The following TMEFF2 variants were observed in gnomAD, a reference collection of about 807,000 sequenced individuals.
TMEFF2 encodes transmembrane protein with EGF like and two follistatin like domains 2, also known as tomoregulin-2.
A neutral mutation model predicts 53.8 loss-of-function variants in TMEFF2; 28 were observed. The ratio of observed to expected loss-of-function variants is 0.52; its 90% CI spans 0.39 to 0.71. TMEFF2 has a LOEUF of 0.71. Among genes scored for constraint, TMEFF2 ranks in the 30% least tolerant of loss-of-function variants. The pLI is 0.00. For missense variants in TMEFF2, 353 were observed against 455.2 expected (o/e 0.78, Z 2.04); for synonymous variants, 162 against 166.3 (o/e 0.97, Z 0.20).
chr2:191,996,187 G>A lies in TMEFF2; in HGVS notation c.745+2075C>T, dbSNP rs577067936. 2.6e-4 allele frequency among the ~76,000 whole-genome samples: 39 copies of A among 152,044 alleles called. 1 individual carries two copies. The highest frequency in any genetic ancestry group is 9.4e-4 in the African/African-American group (39 of 41,548). Reference sequence around the variant, plus strand: ...CAATATGAATGACTTTGAGAGATCAGTAGAATCTCTCATGATATTTATTGG... The same window carrying A: ...CAATATGAATGACTTTGAGAGATCAATAGAATCTCTCATGATATTTATTGG... On this transcript the variant is annotated intron_variant, in intron 7 of 9. Coordinates refer to ENST00000272771, the MANE Select transcript of TMEFF2 (RefSeq NM_016192.4).
intron 5 of TMEFF2, among the ~76,000 whole-genome samples, chr2:192,019,533 A>G (rs1286308517): frequency 1.3e-5 from 2 of 152,094 alleles, no homozygotes; most frequent in African/African-American, 2.4e-5. Context: ...AGAAAAAATA[A>G]TGTTAATGTA....
In TMEFF2 at chr2:191,998,328, TA is replaced by T. The variant is rs1442312557; in HGVS notation, c.686-8del. 1.9e-6 allele frequency: 3 copies of T among 1,588,760 alleles called. No homozygotes were observed. Among genetic ancestry groups the T allele is most frequent in the African/African-American group, 1.4e-5 (1 of 73,626 alleles). On this transcript the variant is annotated splice_region_variant and splice_polypyrimidine_tract_variant and intron_variant, in intron 6 of 9. Coordinates refer to ENST00000272771, the MANE Select transcript of TMEFF2 (RefSeq NM_016192.4). Reference sequence around the variant, plus strand: ...GTAGTTGTAGTTGTGTTATCTGTGTTAAAAAATTAACAATAAAAATTGATTA... The same window carrying T: ...GTAGTTGTAGTTGTGTTATCTGTGTTAAAAATTAACAATAAAAATTGATTA...
intron 4 of TMEFF2, among the ~76,000 whole-genome samples, chr2:192,168,890 T>C (rs1420053838): frequency 1.3e-5 from 2 of 152,080 alleles, no homozygotes; most frequent in Non-Finnish European, 2.9e-5. Context: ...TTGCCCAGGC[T>C]AGAGTACGGT....
intron 4 of TMEFF2, among the ~76,000 whole-genome samples, chr2:192,147,215 T>A (rs1690273252): frequency 6.6e-6 from 1 of 152,032 alleles, no homozygotes; most frequent in Non-Finnish European, 1.5e-5. Flanking sequence ...AACTGAAGAT[T>A]AAATCACAGT....
intron 5 of TMEFF2, among the ~76,000 whole-genome samples, chr2:192,047,706 T>C (rs1323089086): frequency 6.6e-6 from 1 of 152,218 alleles, no homozygotes; most frequent in Non-Finnish European, 1.5e-5. Flanking sequence ...AATAAGCATT[T>C]AGACTTTCAG....
intron 4 of TMEFF2, among the ~76,000 whole-genome samples, chr2:192,148,292 G>A (rs79938894): frequency 6.6e-6 from 1 of 151,994 alleles, no homozygotes; most frequent in Non-Finnish European, 1.5e-5. Context: ...TGAAGAGAAA[G>A]TGTTGGATCT....
chr2:192,113,546 T>A (rs978266930), intron 4 of TMEFF2, among the ~76,000 whole-genome samples: 9 of 152,170 alleles, frequency 5.9e-5, no homozygotes, highest in Non-Finnish European at 1.0e-4. Context: ...TGCATAGAAA[T>A]AATGTGGAAT....
chr2:192,149,956 C>T lies in TMEFF2; in HGVS notation c.439+29712G>A, dbSNP rs1003828836. On this transcript the variant is annotated intron_variant, in intron 4 of 9. Coordinates refer to ENST00000272771, the MANE Select transcript of TMEFF2 (RefSeq NM_016192.4). ...TAACTTTATTAAGTGCAACTTCTAT[C>T]TAACATTAGTTTAGAAGGCCCATTA... is the stretch of plus-strand genomic sequence containing the variant. Among the ~76,000 whole-genome samples the T allele has an allele frequency of 2.6e-5, 4 of 151,912 alleles. No individual in the cohort carries two copies. In the Admixed American group the frequency reaches 2.6e-4, roughly 10 times the overall value.
At chr2:192,091,954 A>G (rs561965637) in intron 4 of TMEFF2, among the ~76,000 whole-genome samples, 1 of 152,216 alleles carries the variant, frequency 6.6e-6, no homozygotes, top group African/African-American at 2.4e-5. Context: ...TGTTAGTGTG[A>G]CTACTTCCTC....
At chr2:191,956,173 A>G in intron 8 of TMEFF2, 82 bp downstream of exon 8, 3 of 1,445,094 alleles carry the variant, frequency 2.1e-6, no homozygotes, top group Non-Finnish European at 2.8e-6. Context: ...AAGAATGTCT[A>G]CCAATTTTCT....
At chr2:191,955,265 A>G (rs944836368) in intron 8 of TMEFF2, among the ~76,000 whole-genome samples, 1 of 151,946 alleles carries the variant, frequency 6.6e-6, no homozygotes, top group Non-Finnish European at 1.5e-5. Flanking sequence ...AAATAAAAAT[A>G]AAAATAAATT....
chr2:192,129,883 G>A (rs1229743031), intron 4 of TMEFF2, among the ~76,000 whole-genome samples: 7 of 152,006 alleles, frequency 4.6e-5, no homozygotes, highest in Admixed American at 2.6e-4. Context: ...ATTTCTTACC[G>A]CAGTTTTTCT....
At chr2:192,113,185 T>C (rs528285878) in intron 4 of TMEFF2, among the ~76,000 whole-genome samples, 1 of 152,320 alleles carries the variant, frequency 6.6e-6, no homozygotes, top group Non-Finnish European at 1.5e-5. Flanking sequence ...TTTAGGCTTA[T>C]ACACTATTGA....
At chr2:191,965,991 A>G (rs997034389) in intron 7 of TMEFF2, among the ~76,000 whole-genome samples, 1 of 46,918 alleles carries the variant, frequency 2.1e-5, no homozygotes, top group Non-Finnish European at 6.6e-5. Flanking sequence ...TTGATTTAAG[A>G]AAAAAAAAAA....
At chr2:192,070,498 G>C (rs1402550185) in intron 4 of TMEFF2, among the ~76,000 whole-genome samples, 2 of 151,854 alleles carry the variant, frequency 1.3e-5, no homozygotes, top group South Asian at 4.1e-4. Context: ...TAGTTCAAAG[G>C]CTTTAAGGAT....
At chr2:192,152,736 C>A (rs1208649143) in intron 4 of TMEFF2, among the ~76,000 whole-genome samples, 1 of 151,854 alleles carries the variant, frequency 6.6e-6, no homozygotes, top group Non-Finnish European at 1.5e-5. Flanking sequence ...GGCATTATTT[C>A]AACTAACAAC....
intron 7 of TMEFF2, among the ~76,000 whole-genome samples, chr2:191,991,735 A>C (rs368558389): frequency 3.9e-5 from 6 of 152,110 alleles, no homozygotes; most frequent in African/African-American, 1.4e-4. Flanking sequence ...TTCAAATAGG[A>C]AAAAGTGCAC....
At chr2:192,082,958 T>C (rs1688587134) in intron 4 of TMEFF2, among the ~76,000 whole-genome samples, 1 of 36,412 alleles carries the variant, frequency 2.7e-5, no homozygotes, top group African/African-American at 6.0e-5. Context: ...TTTTAGAGAG[T>C]TGATTTTTTT....
chr2:192,098,688 A>C (rs551952379), intron 4 of TMEFF2, among the ~76,000 whole-genome samples: 1 of 152,324 alleles, frequency 6.6e-6, no homozygotes, highest in South Asian at 2.1e-4. Flanking sequence ...CAGTTCAATA[A>C]AGCTGCAGTT....
Sources: gnomAD v4.1 joint callset for allele counts (sites outside exome capture counted in the v4.1 genomes callset) on GRCh38, gnomAD v4.1.1 for gene constraint, MANE v1.5 for transcripts, NCBI Gene and HGNC (gene_info 2026-07-23, HGNC 2026-07-21) for gene names.